FBXL17: variants seen among roughly 807,000 people sequenced by gnomAD.
FBXL17 encodes the protein F-box and leucine rich repeat protein 17.
In FBXL17, 22 loss-of-function variants were observed where a neutral mutation model predicts 66.2. That is an observed-to-expected ratio of 0.33 (90% CI 0.24 to 0.47). FBXL17 has a LOEUF of 0.47. Ranked by LOEUF, FBXL17 falls within the 20% of genes least tolerant of loss-of-function variation. FBXL17 has a pLI of 1.00. For missense variants in FBXL17, 878 were observed against 948.2 expected, an observed-to-expected ratio of 0.93 and a Z score of 0.97; for synonymous variants, 474 against 400.5, an observed-to-expected ratio of 1.18 and a Z score of -2.19.
intron 6 of FBXL17, among the ~76,000 whole-genome samples, chr5:108,026,919 T>C (rs1308917096): frequency 6.6e-6 from 1 of 152,170 alleles, no homozygotes; most frequent in Admixed American, 6.5e-5. Flanking sequence ...TACTACGGGT[T>C]TGCATCTTTG....
chr5:108,090,526 A>C (rs1749148250), intron 6 of FBXL17, among the ~76,000 whole-genome samples: 1 of 152,168 alleles, frequency 6.6e-6, no homozygotes, highest in Non-Finnish European at 1.5e-5. Context: ...TGCAGGCTAT[A>C]TGGTCTCTAT....
At chr5:108,064,582 T>C (rs1748046733) in intron 6 of FBXL17, among the ~76,000 whole-genome samples, 1 of 152,176 alleles carries the variant, frequency 6.6e-6, no homozygotes, top group Non-Finnish European at 1.5e-5. Context: ...ATTTTGCTCT[T>C]ATAGAGAAAT....
At position 108,264,214 on chromosome 5, in the gene FBXL17, C is replaced by CAAAAA. The variant is rs35346820; in HGVS notation, c.1507-39991_1507-39987dup. 3.0e-3 allele frequency among the ~76,000 whole-genome samples: 169 copies of CAAAAA among 55,516 alleles called. 14 individuals are homozygous for CAAAAA. The highest frequency in any genetic ancestry group is 8.8e-3 in the African/African-American group (116 of 13,126). 36.4% of individuals were successfully genotyped at this position (55,516 alleles called of 152,430 possible). A position where few individuals can be genotyped will look rare whatever the true frequency, so the allele number is the denominator to read the frequency against. ...TGGGCGACAGAGTGAGACTCTTTCTCAAAAAAAAAAAAAAAAAAAAAAAAA... is the reference window on the plus strand; with the variant it reads ...TGGGCGACAGAGTGAGACTCTTTCTCAAAAAAAAAAAAAAAAAAAAAAAAAAAAAA... On this transcript the variant is annotated intron_variant, in intron 4 of 8. Transcript: ENST00000542267.
chr5:108,198,062 T>G (rs1753748841), intron 5 of FBXL17, among the ~76,000 whole-genome samples: 1 of 152,130 alleles, frequency 6.6e-6, no homozygotes, highest in South Asian at 2.1e-4. Context: ...ACCTGCAATC[T>G]TTGGGTCTTC....
intron 4 of FBXL17, among the ~76,000 whole-genome samples, chr5:108,272,757 ATATAT>A (rs1561499979): frequency 6.6e-6 from 1 of 152,208 alleles, no homozygotes; most frequent in Non-Finnish European, 1.5e-5. Flanking sequence ...GAAACCTATT[ATATAT>A]ATGACTAGTG....
chr5:108,010,389 G>T (rs1159761857), intron 7 of FBXL17, among the ~76,000 whole-genome samples: 1 of 152,190 alleles, frequency 6.6e-6, no homozygotes. Context: ...TGTGTCTGGG[G>T]ATTAAGTGAG....
At chr5:108,343,997 G>C (rs1367510427) in intron 4 of FBXL17, among the ~76,000 whole-genome samples, 1 of 152,104 alleles carries the variant, frequency 6.6e-6, no homozygotes, top group East Asian at 1.9e-4. Context: ...ATCCTCAATA[G>C]AACATGTATG....
intron 6 of FBXL17, among the ~76,000 whole-genome samples, chr5:108,074,310 A>ATTTT (rs33988328): frequency 5.1e-4 from 70 of 137,330 alleles, no homozygotes; most frequent in Middle Eastern, 3.6e-3. Context: ...ATTTGAAAAG[A>ATTTT]TTTTTTTTTT....
At chr5:108,093,883 G>A (rs1286776507) in intron 6 of FBXL17, among the ~76,000 whole-genome samples, 2 of 152,112 alleles carry the variant, frequency 1.3e-5, no homozygotes, top group African/African-American at 4.8e-5. Context: ...AAAAATCAAA[G>A]TCATTAAATA....
At chr5:107,929,825 A>C (rs1750669913) in intron 7 of FBXL17, among the ~76,000 whole-genome samples, 1 of 152,220 alleles carries the variant, frequency 6.6e-6, no homozygotes, top group Non-Finnish European at 1.5e-5. Flanking sequence ...AAAAGGACAG[A>C]GTCTAGGACG....
Position 107,945,660 on chromosome 5 carries a change from A to G in FBXL17, c.1823-64481T>C, listed in dbSNP as rs115847925. 3.7e-3 allele frequency among the ~76,000 whole-genome samples: 557 copies of G among 152,300 alleles called. 3 individuals are homozygous for G. Among genetic ancestry groups the G allele is most frequent in the African/African-American group, 0.013 (535 of 41,572 alleles). On this transcript the variant is annotated intron_variant, in intron 7 of 8. Coordinates refer to ENST00000542267, the MANE Select transcript of FBXL17 (RefSeq NM_001163315.3). Reference sequence around the variant, plus strand: ...CATACAATTTACATAAAATTTCAAAATCTGCAAAGGAATGATATACATTGT... The same window carrying G: ...CATACAATTTACATAAAATTTCAAAGTCTGCAAAGGAATGATATACATTGT...
chr5:107,973,834 G>C (rs1322110150), intron 7 of FBXL17, among the ~76,000 whole-genome samples: 1 of 143,482 alleles, frequency 7.0e-6, no homozygotes, highest in Non-Finnish European at 1.6e-5. Context: ...AAAGACTTTG[G>C]GGGTAATCTA....
intron 7 of FBXL17, among the ~76,000 whole-genome samples, chr5:107,916,471 T>C (rs1750138647): frequency 6.6e-6 from 1 of 152,184 alleles, no homozygotes; most frequent in Non-Finnish European, 1.5e-5. Flanking sequence ...CTTAACTTTG[T>C]AAATACAGTC....
rs1411610617 is a variant in FBXL17 at position 108,381,106 on chromosome 5, C to T, written c.586G>A (p.Val196Met). The change falls in exon 1 of 9, where the codon GTG (valine) becomes ATG (methionine). Residue 196 changes from valine (V) to methionine (M), a missense_variant. Physicochemically the swap from Val to Met is conservative, Grantham distance 21 (BLOSUM62 1). Around this residue, in one of 4 missense-constraint regions of FBXL17, gnomAD observed 605 missense variants for 509.5 expected, o/e 1.19. Coordinates refer to ENST00000542267, the MANE Select transcript of FBXL17 (RefSeq NM_001163315.3). Reference sequence around the variant, plus strand: ...ACCCCGGCCCCCTTCCGCTTGCACACCATTTCGGGGGGCGTAGGGAGCTCG... The same window carrying T: ...ACCCCGGCCCCCTTCCGCTTGCACATCATTTCGGGGGGCGTAGGGAGCTCG... The part of the protein sequence containing the change: ...PAELPTPPEM[V>M]CKRKGAGVPA... 7.7e-7 allele frequency: 1 copy of T among 1,301,160 alleles called. No individual in the cohort carries two copies. The highest frequency in any genetic ancestry group is 9.7e-7 in the Non-Finnish European group (1 of 1,026,302). 80.6% of individuals were successfully genotyped at this position (1,301,160 alleles called of 1,614,324 possible).
intron 4 of FBXL17, among the ~76,000 whole-genome samples, chr5:108,337,117 G>C (rs556580244): frequency 6.6e-6 from 1 of 151,870 alleles, no homozygotes; most frequent in Non-Finnish European, 1.5e-5. Context: ...TTAGCTGGGC[G>C]TGGTGGTGCA....
chr5:108,374,622 G>A (rs746780818), intron 1 of FBXL17, among the ~76,000 whole-genome samples: 6 of 152,184 alleles, frequency 3.9e-5, no homozygotes, highest in Non-Finnish European at 7.4e-5. Context: ...GTTGCAGTGA[G>A]CCATGATCAC....
intron 5 of FBXL17, among the ~76,000 whole-genome samples, chr5:108,203,607 C>G (rs1167983507): frequency 6.6e-6 from 1 of 152,226 alleles, no homozygotes; most frequent in Admixed American, 6.5e-5. Context: ...AATTTAAGAA[C>G]ATATTTTTTA....
intron 7 of FBXL17, among the ~76,000 whole-genome samples, chr5:107,978,149 G>A (rs1752657296): frequency 6.6e-6 from 1 of 152,204 alleles, no homozygotes; most frequent in African/African-American, 2.4e-5. Context: ...GACTGAAACT[G>A]CCTTTGCAAA....
At chr5:107,946,094 A>G (rs1024123523) in intron 7 of FBXL17, among the ~76,000 whole-genome samples, 2 of 151,290 alleles carry the variant, frequency 1.3e-5, no homozygotes, top group Non-Finnish European at 3.0e-5. Context: ...AAATAAGGAA[A>G]TGGAATAATT....
Sources: allele counts gnomAD v4.1 joint callset (sites outside exome capture counted in the v4.1 genomes callset), GRCh38; gene constraint gnomAD v4.1.1; regional missense constraint gnomAD v4.1.1; transcripts MANE v1.5; gene names NCBI Gene and HGNC (gene_info 2026-07-23, HGNC 2026-07-21).